SAMD5: variants seen among roughly 807,000 people sequenced by gnomAD.
SAMD5 encodes sterile alpha motif domain containing 5, also known as sterile alpha motif domain-containing protein 5.
SAMD5 carries 13 observed loss-of-function variants against 11.3 expected under a neutral mutation model. The observed-to-expected ratio is 1.15, with a 90% confidence interval of 0.75 to 1.83. The LOEUF (loss-of-function observed/expected upper bound fraction) is 1.83. Among genes scored for constraint, SAMD5 ranks in the 40% most tolerant of loss-of-function variants. The pLI is 0.00. For missense variants in SAMD5, 255 were observed against 239.1 expected, an observed-to-expected ratio of 1.07 and a Z score of -0.44; for synonymous variants, 129 against 111.3, an observed-to-expected ratio of 1.16 and a Z score of -1.00.
At chr6:147,546,543 A>AAAAAAAAAAT (rs55884920) in intron 1 of SAMD5, among the ~76,000 whole-genome samples, 1 of 151,298 alleles carries the variant, frequency 6.6e-6, no homozygotes, top group African/African-American at 2.4e-5. Flanking sequence ...AAAAAAAAAA[A>AAAAAAAAAAT]TAGAGTGAGG....
At chr6:147,524,464 G>A (rs775135369) in intron 1 of SAMD5, among the ~76,000 whole-genome samples, 5 of 151,292 alleles carry the variant, frequency 3.3e-5, no homozygotes, top group Admixed American at 6.6e-5. Context: ...AAGCAAGAGC[G>A]CCTATAATAG....
At chr6:147,634,502 G>A (rs764489759) in intron 1 of SAMD5, among the ~76,000 whole-genome samples, 2 of 152,134 alleles carry the variant, frequency 1.3e-5, no homozygotes, top group African/African-American at 4.8e-5. Context: ...TTTGGGTGGG[G>A]AAAAAATTCA....
At chr6:147,942,914 A>G in the SAMD5 span, among the ~76,000 whole-genome samples, 1 of 150,684 alleles carries the variant, frequency 6.6e-6, no homozygotes, top group Non-Finnish European at 1.5e-5. Flanking sequence ...CGCTGCCACA[A>G]GTGATTCTCC....
At chr6:147,734,576 C>A (rs192293295) in intron 1 of SAMD5, among the ~76,000 whole-genome samples, 1 of 151,374 alleles carries the variant, frequency 6.6e-6, no homozygotes, top group African/African-American at 2.4e-5. Context: ...ATAATCCGGG[C>A]GTGTTGGGTG....
intron 1 of SAMD5, among the ~76,000 whole-genome samples, chr6:147,609,381 T>C (rs923097441): frequency 6.6e-6 from 1 of 152,098 alleles, no homozygotes; most frequent in Admixed American, 6.6e-5. Context: ...TCTGCCAACC[T>C]CACTCTAGGA....
downstream of SAMD5, chr6:147,570,096 C>T (rs1434244577): frequency 1.3e-6 from 1 of 787,418 alleles, no homozygotes; most frequent in Non-Finnish European, 1.5e-6. Context: ...TTTAAATTGA[C>T]AATATGTAAA....
intron 1 of SAMD5, among the ~76,000 whole-genome samples, chr6:147,694,634 T>C (rs796258779): frequency 2.6e-5 from 4 of 152,036 alleles, no homozygotes; most frequent in Non-Finnish European, 4.4e-5. Context: ...CTGGGCAACA[T>C]AGGGAGACCT....
chr6:147,840,335 A>G, the SAMD5 span, among the ~76,000 whole-genome samples: 3 of 152,252 alleles, frequency 2.0e-5, no homozygotes, highest in African/African-American at 4.8e-5. Flanking sequence ...AACATATACA[A>G]TCTTTTAGGA....
the SAMD5 span, among the ~76,000 whole-genome samples, chr6:147,923,955 C>G: frequency 6.6e-6 from 1 of 152,158 alleles, no homozygotes; most frequent in South Asian, 2.1e-4. Flanking sequence ...TGAATCTTCT[C>G]TATTCAATGG....
At chr6:147,951,702 G>A in the SAMD5 span, among the ~76,000 whole-genome samples, 2 of 152,150 alleles carry the variant, frequency 1.3e-5, no homozygotes, top group Non-Finnish European at 2.9e-5. Context: ...GAGAAAGGCT[G>A]GGGCTAGACT....
At chr6:147,949,469 C>T in the SAMD5 span, among the ~76,000 whole-genome samples, 1 of 152,166 alleles carries the variant, frequency 6.6e-6, no homozygotes, top group African/African-American at 2.4e-5. Context: ...TTTATTTTCA[C>T]TATAAAGAGA....
At chr6:147,926,783 T>A in the SAMD5 span, among the ~76,000 whole-genome samples, 1,480 of 152,324 alleles carry the variant, frequency 9.7e-3, 24 homozygotes, top group Non-Finnish European at 0.01. Flanking sequence ...GCCTAGGTTG[T>A]CTTCCAGGTT....
At chr6:147,615,047 G>A (rs573614989) in intron 1 of SAMD5, among the ~76,000 whole-genome samples, 8 of 151,796 alleles carry the variant, frequency 5.3e-5, no homozygotes, top group Non-Finnish European at 8.8e-5. Context: ...ATTGTATTAG[G>A]TATTATAAGT....
At chr6:147,688,999 T>C (rs940122054) in intron 1 of SAMD5, among the ~76,000 whole-genome samples, 4 of 152,246 alleles carry the variant, frequency 2.6e-5, no homozygotes, top group Non-Finnish European at 5.9e-5. Context: ...GAGTTTTCAA[T>C]GTATTAAGTA....
At chr6:147,645,224 A>T (rs1436498000) in intron 1 of SAMD5, among the ~76,000 whole-genome samples, 2 of 152,150 alleles carry the variant, frequency 1.3e-5, no homozygotes, top group African/African-American at 4.8e-5. Flanking sequence ...GCAAGGAGGG[A>T]TGACAATCGC....
At chr6:147,586,074 G>A (rs1006695987) in intron 1 of SAMD5, among the ~76,000 whole-genome samples, 1 of 152,156 alleles carries the variant, frequency 6.6e-6, no homozygotes, top group Non-Finnish European at 1.5e-5. Context: ...GATGGCCATT[G>A]TAGGGCGCCA....
intron 1 of SAMD5, among the ~76,000 whole-genome samples, chr6:147,535,087 T>C (rs1307108892): frequency 1.3e-5 from 2 of 152,218 alleles, no homozygotes; most frequent in Non-Finnish European, 2.9e-5. Context: ...TCCCTTCCTT[T>C]GGGTTTTATA....
chr6:147,935,796 A>G, the SAMD5 span, among the ~76,000 whole-genome samples: 1 of 152,324 alleles, frequency 6.6e-6, no homozygotes, highest in Admixed American at 6.5e-5. Context: ...CTGCTAAGTT[A>G]TCTACCAGGT....
the SAMD5 span, among the ~76,000 whole-genome samples, chr6:147,795,031 AT>A: frequency 6.6e-6 from 1 of 151,474 alleles, no homozygotes; most frequent in Non-Finnish European, 1.5e-5. Context: ...ATTAAAAAAA[AT>A]GAATGAATAC....
Sources: gnomAD v4.1 joint callset for allele counts (sites outside exome capture counted in the v4.1 genomes callset) on GRCh38, gnomAD v4.1.1 for gene constraint, MANE v1.5 for transcripts, NCBI Gene and HGNC (gene_info 2026-07-23, HGNC 2026-07-21) for gene names.